Variants in ENDOV observed in about 807,000 individuals in gnomAD.
The protein encoded by ENDOV is endonuclease V.
ENDOV carries 37 observed loss-of-function variants against 39.4 expected under a neutral mutation model. The observed-to-expected ratio is 0.94, with a 90% CI of 0.72 to 1.23. The LOEUF is 1.23. Among genes scored for constraint, ENDOV ranks in the 50% most tolerant of loss-of-function variants. The pLI is 0.00. For missense variants in ENDOV, 441 were observed against 375.7 expected (o/e 1.17, Z -1.44); for synonymous variants, 186 against 163.4 (o/e 1.14, Z -1.05).
chr17:80,434,339 G>A (rs923556622), intron 9 of ENDOV, among the ~76,000 whole-genome samples: 1 of 152,206 alleles, frequency 6.6e-6, no homozygotes, highest in Non-Finnish European at 1.5e-5. Flanking sequence ...TAAACATTTT[G>A]TTAATCCTGG....
Position 80,436,347 on chromosome 17 carries a change from G to A in ENDOV, c.*204G>A, listed in dbSNP as rs1359099677. On this transcript the variant is annotated 3_prime_UTR_variant, in exon 10 of 10. Transcript: ENST00000518137. ...TGGTGAGAGCACACGTCCTTGTCTT[G>A]TTCCTGATCTTAAGGGAACGTTTGC... 3.9e-6 allele frequency: 6 copies of A among 1,535,284 alleles called. No individual in the cohort carries two copies. The highest frequency in any genetic ancestry group is 5.3e-6 in the Non-Finnish European group (6 of 1,142,848).
intron 2 of ENDOV, chr17:80,417,883 A>C (rs1196855295): frequency 1.3e-5 from 2 of 152,216 alleles, no homozygotes; most frequent in Non-Finnish European, 2.9e-5. Context: ...GATTCACATA[A>C]GAGTCAACAG....
intron 2 of ENDOV, 157 bp downstream of exon 2, chr17:80,415,978 C>G (rs1179007865): frequency 1.1e-6 from 1 of 894,938 alleles, no homozygotes; most frequent in Non-Finnish European, 1.6e-6. Context: ...TGGCTCACGC[C>G]TGCAATCCCA....
chr17:80,425,028 C>T lies in ENDOV; in HGVS notation c.517-4C>T. On this transcript the variant is annotated splice_region_variant and splice_polypyrimidine_tract_variant and intron_variant, in intron 5 of 9. Transcript: ENST00000518137. ...TTTTCCCCATTTTTCCCTCCATTTT[C>T]CAGATCCGACTCCTGCAGACTCGAG... 3.1e-6 allele frequency: 5 copies of T among 1,611,886 alleles called. No homozygotes were observed. The highest frequency in any genetic ancestry group is 4.2e-6 in the Non-Finnish European group (5 of 1,179,030).
rs1431780991 is a variant in ENDOV at position 80,425,066 on chromosome 17, C to T, written c.551C>T (p.Pro184Leu). ...RLLQTRGDSFPLLGDSGTVLG... is the reference protein window; with the variant it reads ...RLLQTRGDSFLLLGDSGTVLG... Reference sequence around the variant, plus strand: ...CTGCAGACTCGAGGAGACTCATTCCCTCTGCTGGGAGACTCTGGGACTGTC... The same window carrying T: ...CTGCAGACTCGAGGAGACTCATTCCTTCTGCTGGGAGACTCTGGGACTGTC... Residue 184 changes from proline to leucine, a missense_variant, in exon 6 of 10, where the codon CCT becomes CTT. Transcript: ENST00000518137. The T allele has an allele frequency of 2.5e-6, 4 of 1,612,086 alleles. No homozygotes were observed. In the African/African-American group the frequency reaches 4.0e-5, roughly 16 times the overall value.
chr17:80,422,437 T>G (rs540547441), intron 4 of ENDOV, among the ~76,000 whole-genome samples, 192 bp downstream of exon 4: 1 of 152,266 alleles, frequency 6.6e-6, no homozygotes, highest in East Asian at 1.9e-4. Flanking sequence ...GGTAAAGGAC[T>G]GTCTACTTTC....
At chr17:80,434,481 A>G (rs1225573617) in intron 9 of ENDOV, among the ~76,000 whole-genome samples, 1 of 152,196 alleles carries the variant, frequency 6.6e-6, no homozygotes, top group South Asian at 2.1e-4. Flanking sequence ...TTTCTGGGTC[A>G]TGTGGTGACC....
chr17:80,433,396 A>C (rs41301938), intron 9 of ENDOV, among the ~76,000 whole-genome samples: 21 of 152,294 alleles, frequency 1.4e-4, no homozygotes, highest in Admixed American at 1.4e-3. Flanking sequence ...TGCTGTGCCA[A>C]CCCCAGTGAT....
chr17:80,422,468 C>T (rs1314625559), intron 4 of ENDOV, among the ~76,000 whole-genome samples: 6 of 152,156 alleles, frequency 3.9e-5, no homozygotes, highest in Admixed American at 1.3e-4. Flanking sequence ...TTACCTCTTT[C>T]CTGTCCGCCA....
intron 1 of ENDOV, 110 bp downstream of exon 1, chr17:80,415,360 G>C: frequency 3.7e-6 from 5 of 1,340,768 alleles, no homozygotes; most frequent in Non-Finnish European, 4.1e-6. Context: ...GCCACCGCCC[G>C]AGACTCCAAA....
chr17:80,426,467 A>G (rs1284739814), intron 7 of ENDOV, among the ~76,000 whole-genome samples: 1 of 151,926 alleles, frequency 6.6e-6, no homozygotes, highest in Non-Finnish European at 1.5e-5. Context: ...TAGGCAACAT[A>G]GACCCCGTCT....
At chr17:80,420,844 A>T (rs2081911271) in intron 2 of ENDOV, among the ~76,000 whole-genome samples, 1 of 152,182 alleles carries the variant, frequency 6.6e-6, no homozygotes, top group Non-Finnish European at 1.5e-5. Flanking sequence ...CGCCCAGATA[A>T]TTTTGTATTT....
At chr17:80,421,734 A>AG in intron 2 of ENDOV, 94 bp from the exon 3 acceptor site, 1 of 1,475,662 alleles carries the variant, frequency 6.8e-7, no homozygotes, top group Non-Finnish European at 9.1e-7. Flanking sequence ...CGTAAGGGAG[A>AG]GGGAAGGATG....
chr17:80,421,280 G>A (rs78249708), intron 2 of ENDOV, among the ~76,000 whole-genome samples: 24 of 47,974 alleles, frequency 5.0e-4, no homozygotes, highest in Non-Finnish European at 7.0e-4. Context: ...ATCTTCCTAT[G>A]GACCGGGTCC....
chr17:80,423,957 G>A (rs1335356043), intron 5 of ENDOV: 3 of 367,560 alleles, frequency 8.2e-6, no homozygotes, highest in African/African-American at 2.1e-5. Context: ...TGTCCCGGGC[G>A]CACTTGGTGC....
intron 6 of ENDOV, 103 bp from the exon 7 acceptor site, chr17:80,425,389 C>T: frequency 6.8e-7 from 1 of 1,479,692 alleles, no homozygotes; most frequent in Non-Finnish European, 9.0e-7. Flanking sequence ...CAGCTTCCCC[C>T]TTGCCCCCAG....
chr17:80,427,631 G>A, intron 7 of ENDOV: 1 of 1,184,892 alleles, frequency 8.4e-7, no homozygotes, highest in Non-Finnish European at 1.1e-6. Flanking sequence ...CTGTCTCTCG[G>A]TCCATTTTCT....
At position 80,437,449 on chromosome 17, in the gene ENDOV, C is replaced by G. The variant is rs1703513120; in HGVS notation, c.*1306C>G. 6.6e-6 allele frequency: 1 copy of G among 151,640 alleles called. No individual in the cohort carries two copies. The highest frequency in any genetic ancestry group is 2.4e-5 in the African/African-American group (1 of 41,040). The allele number at this position is 151,640 out of a possible 1,614,324, so 9.4% of individuals were successfully genotyped here. ...ACTCATGGCTGGCGGTTCCGGGCCT[C>G]TCAGGAAGCTTTGCCACTGGGCTTG... On this transcript the variant is annotated 3_prime_UTR_variant, in exon 10 of 10. Transcript: ENST00000518137.
chr17:80,421,862 C>T lies in ENDOV; in HGVS notation c.263C>T (p.Thr88Ile). The T allele has an allele frequency of 6.2e-7, 1 of 1,604,016 alleles. No individual in the cohort carries two copies. Among genetic ancestry groups the T allele is most frequent in the South Asian group, 1.1e-5 (1 of 88,690 alleles). Reference protein sequence around the residue: ...VYEESRMVSLTAPYVSGFLAF... With the variant: ...VYEESRMVSLIAPYVSGFLAF... Reference sequence around the variant, plus strand: ...GAGGAGAGCCGCATGGTCAGCCTCACAGCCCCCTACGTGTCGGGCTTCCTG... The same window carrying T: ...GAGGAGAGCCGCATGGTCAGCCTCATAGCCCCCTACGTGTCGGGCTTCCTG... Residue 88 changes from threonine (T) to isoleucine (I), a missense_variant, in exon 3 of 10, where the codon ACA (threonine) becomes ATA (isoleucine). Physicochemically the swap from Thr to Ile is moderately conservative, Grantham distance 89 (BLOSUM62 -1). Transcript: ENST00000518137.
Sources: allele counts gnomAD v4.1 joint callset (sites outside exome capture counted in the v4.1 genomes callset), GRCh38; gene constraint gnomAD v4.1.1; transcripts MANE v1.5; gene names NCBI Gene and HGNC (gene_info 2026-07-23, HGNC 2026-07-21).